The following MGAT4C variants were observed in gnomAD, a reference collection of about 807,000 sequenced individuals.
MGAT4C encodes alpha-1,3-mannosyl-glycoprotein 4-beta-N-acetylglucosaminyltransferase C.
A neutral mutation model predicts 40.1 loss-of-function variants in MGAT4C; 19 were observed. The ratio of observed to expected loss-of-function variants is 0.47; its 90% CI spans 0.33 to 0.70. The LOEUF (loss-of-function observed/expected upper bound fraction) is 0.70. Ranked by LOEUF, MGAT4C falls within the 30% of genes least tolerant of loss-of-function variation. MGAT4C has a pLI of 0.02. For synonymous variants in MGAT4C, 181 were observed against 187.1 expected (o/e 0.97, Z 0.27); for missense variants, 491 against 563.2 (o/e 0.87, Z 1.30).
rs545638045 is a variant in MGAT4C at position 86,616,367 on chromosome 12, A to G, written c.-229+110842T>C. On this transcript the variant is annotated intron_variant, in intron 2 of 7. Coordinates refer to the MGAT4C transcript ENST00000548651. ...AATCTACTAGAACAACCCTTAAATC[A>G]ATCTTTTGTTAAAAGCAATAGCAGA... 3.7e-4 allele frequency among the ~76,000 whole-genome samples: 57 copies of G among 152,250 alleles called. 1 individual carries two copies. The South Asian group carries it at 0.01, about 27-fold the overall frequency.
rs1244986059 is a variant in MGAT4C, at chr12:85,983,552, T to C, written c.266A>G (p.Tyr89Cys). 2 of 1,588,008 alleles carry C rather than the reference T, an allele frequency of 1.3e-6. No homozygotes were observed. The highest frequency in any genetic ancestry group is 2.7e-5 in the African/African-American group (2 of 73,488). Residue 89 changes from tyrosine to cysteine, a missense_variant, in exon 4 of 5, where the codon TAC becomes TGC. Physicochemically the swap from Tyr to Cys is radical, Grantham distance 194. Transcript: ENST00000611864. ...TCTTTGTAAAGGTGTGGCAGCTAGGTAGCGATAGGTGACATTTATGGCTCC... is the reference window on the plus strand; with the variant it reads ...TCTTTGTAAAGGTGTGGCAGCTAGGCAGCGATAGGTGACATTTATGGCTCC... ...FSGAINVTYR[Y>C]LAATPLQRKR...
chr12:86,506,231 C>A (rs1307593701), intron 2 of MGAT4C, among the ~76,000 whole-genome samples: 2 of 152,152 alleles, frequency 1.3e-5, no homozygotes, highest in African/African-American at 4.8e-5. Flanking sequence ...AACCACTCTT[C>A]CTGTCTATAG....
At chr12:86,426,461 T>C (rs917853667) in intron 3 of MGAT4C, among the ~76,000 whole-genome samples, 9 of 152,200 alleles carry the variant, frequency 5.9e-5, no homozygotes. Context: ...AATAATCATA[T>C]GTATAATAAA....
intron 1 of MGAT4C, among the ~76,000 whole-genome samples, chr12:86,142,681 G>C (rs550335418): frequency 1.3e-5 from 2 of 151,874 alleles, no homozygotes; most frequent in Non-Finnish European, 2.9e-5. Context: ...TACATAGGTA[G>C]GGATGGAGAG....
intron 2 of MGAT4C, among the ~76,000 whole-genome samples, chr12:86,670,277 C>T (rs535606991): frequency 2.0e-3 from 300 of 152,002 alleles, no homozygotes; most frequent in South Asian, 4.6e-3. Context: ...TCAATGAATT[C>T]CAACTCAAGT....
In MGAT4C at chr12:86,245,456, G is replaced by T. The variant is rs76849359; in HGVS notation, c.-57+10783C>A. Among the ~76,000 whole-genome samples the T allele has an allele frequency of 0.02, 3,062 of 152,146 alleles. 218 individuals carry two copies. In the East Asian group the frequency reaches 0.24, roughly 12 times the overall value. Reference sequence around the variant, plus strand: ...CCTTTTTTGAACTTCGTTATATTTTGGCCCCATGGGCATCCTCAAATTGTT... The same window carrying T: ...CCTTTTTTGAACTTCGTTATATTTTTGCCCCATGGGCATCCTCAAATTGTT... On this transcript the variant is annotated intron_variant, in intron 1 of 4. Transcript: ENST00000611864.
intron 2 of MGAT4C, among the ~76,000 whole-genome samples, chr12:86,503,830 T>C (rs1301161573): frequency 1.6e-5 from 2 of 124,216 alleles, no homozygotes; most frequent in Non-Finnish European, 3.4e-5. Flanking sequence ...TGCTCAATTT[T>C]CTGCTAAATT....
chr12:86,714,974 C>T (rs1342580963), intron 2 of MGAT4C, among the ~76,000 whole-genome samples: 1 of 152,018 alleles, frequency 6.6e-6, no homozygotes, highest in Non-Finnish European at 1.5e-5. Flanking sequence ...CTTAAGTTCA[C>T]TTCATAACAT....
intron 2 of MGAT4C, among the ~76,000 whole-genome samples, chr12:86,584,813 T>A (rs2136438200): frequency 6.6e-6 from 1 of 151,482 alleles, no homozygotes; most frequent in Non-Finnish European, 1.5e-5. Flanking sequence ...TTTAAATAGA[T>A]TTCATTATTT....
At chr12:86,295,477 A>C (rs1953642440) in intron 4 of MGAT4C, among the ~76,000 whole-genome samples, 2 of 152,108 alleles carry the variant, frequency 1.3e-5, no homozygotes, top group Non-Finnish European at 2.9e-5. Flanking sequence ...AGATTTTCGC[A>C]GTGAGTGTTA....
At position 86,466,611 on chromosome 12, in the gene MGAT4C, G is replaced by A. The variant is rs193146527; in HGVS notation, c.-228-31346C>T. Among the ~76,000 whole-genome samples, 249 of 152,284 alleles carry A rather than the reference G, an allele frequency of 1.6e-3. 3 individuals are homozygous for A. Among genetic ancestry groups the A allele is most frequent in the African/African-American group, 5.8e-3 (239 of 41,552 alleles). On this transcript the variant is annotated intron_variant, in intron 2 of 7. Transcript: ENST00000548651. Reference sequence around the variant, plus strand: ...AATTGTTCAGTAGAATACTATAATGGTTGACAGATGTCATCAAATATTTGT... The same window carrying A: ...AATTGTTCAGTAGAATACTATAATGATTGACAGATGTCATCAAATATTTGT...
At chr12:86,439,788 G>A (rs1957196600) in intron 2 of MGAT4C, among the ~76,000 whole-genome samples, 2 of 151,840 alleles carry the variant, frequency 1.3e-5, no homozygotes, top group African/African-American at 4.8e-5. Flanking sequence ...AATTAAAATA[G>A]AGACATTACA....
chr12:86,265,233 G>A (rs1952756787), intron 4 of MGAT4C, among the ~76,000 whole-genome samples: 1 of 152,162 alleles, frequency 6.6e-6, no homozygotes, highest in Non-Finnish European at 1.5e-5. Flanking sequence ...AGTAGCGCGA[G>A]CCAAGCGCAG....
intron 3 of MGAT4C, among the ~76,000 whole-genome samples, chr12:86,424,068 A>G (rs1956879998): frequency 6.6e-6 from 1 of 152,220 alleles, no homozygotes; most frequent in African/African-American, 2.4e-5. Flanking sequence ...AAGAATGCAA[A>G]TTAAAGAGAG....
At chr12:86,106,059 A>G (rs2135617837) in intron 1 of MGAT4C, among the ~76,000 whole-genome samples, 1 of 152,306 alleles carries the variant, frequency 6.6e-6, no homozygotes. Flanking sequence ...TTTGAACTCC[A>G]AACTTCTCAC....
At chr12:86,236,018 A>G (rs1168600299) in intron 1 of MGAT4C, among the ~76,000 whole-genome samples, 1 of 152,112 alleles carries the variant, frequency 6.6e-6, no homozygotes. Flanking sequence ...ACAGCTGTAT[A>G]CAAAAATCTG....
chr12:86,374,569 T>G (rs1592758550), intron 3 of MGAT4C, among the ~76,000 whole-genome samples: 1 of 152,132 alleles, frequency 6.6e-6, no homozygotes, highest in Non-Finnish European at 1.5e-5. Flanking sequence ...ATATTCCTTA[T>G]AGGCATCTTA....
At chr12:86,799,685 C>T (rs906435081) in intron 1 of MGAT4C, among the ~76,000 whole-genome samples, 6 of 151,792 alleles carry the variant, frequency 4.0e-5, no homozygotes, top group African/African-American at 1.2e-4. Flanking sequence ...AATGTAGATA[C>T]GTGATTGTTA....
At chr12:86,673,660 C>G (rs536664795) in intron 2 of MGAT4C, among the ~76,000 whole-genome samples, 1 of 152,204 alleles carries the variant, frequency 6.6e-6, no homozygotes, top group African/African-American at 2.4e-5. Flanking sequence ...TCTTGATCAA[C>G]TTTCAATATA....
Sources: allele counts gnomAD v4.1 joint callset (sites outside exome capture counted in the v4.1 genomes callset), GRCh38; gene constraint gnomAD v4.1.1; transcripts MANE v1.5; gene names NCBI Gene and HGNC (gene_info 2026-07-23, HGNC 2026-07-21).